BCR: variants seen among roughly 807,000 people sequenced by gnomAD.
The protein encoded by BCR is BCR activator of RhoGEF and GTPase.
In BCR, 58 loss-of-function variants were observed where a neutral mutation model predicts 138.6. That is an observed-to-expected ratio of 0.42 (90% CI 0.34 to 0.52). The LOEUF is 0.52. Among genes scored for constraint, BCR ranks in the 20% least tolerant of loss-of-function variants. The pLI is 0.06. For synonymous variants in BCR, 786 were observed against 730.1 expected (o/e 1.08, Z -1.23); for missense variants, 1,599 against 1,727.2 (o/e 0.93, Z 1.32).
chr22:23,229,947 CGTT>C (rs1452451342), intron 1 of BCR, among the ~76,000 whole-genome samples: 6 of 152,132 alleles, frequency 3.9e-5, no homozygotes, highest in East Asian at 3.9e-4. Context: ...GGAATGGACA[CGTT>C]GTTTGTGCTG....
intron 16 of BCR, among the ~76,000 whole-genome samples, chr22:23,299,728 A>G (rs1043183937): frequency 6.6e-6 from 1 of 150,746 alleles, no homozygotes; most frequent in Non-Finnish European, 1.5e-5. Flanking sequence ...AGTAAAATAT[A>G]TATTGGCACA....
rs571705258 is a variant in BCR, at chr22:23,211,838, G to C, written c.1279+29599G>C. Reference sequence around the variant, plus strand: ...CTTCCAGGCCACATCTCACCCTCCAGGGGTAGGGGCTGGTGGAGCTGTTCT... The same window carrying C: ...CTTCCAGGCCACATCTCACCCTCCACGGGTAGGGGCTGGTGGAGCTGTTCT... On this transcript the variant is annotated intron_variant, in intron 1 of 22. Transcript: ENST00000305877. 2.0e-5 allele frequency among the ~76,000 whole-genome samples: 3 copies of C among 152,226 alleles called. No homozygotes were observed. The South Asian group carries it at 6.2e-4, about 32-fold the overall frequency.
At chr22:23,272,953 CA>C in intron 6 of BCR, 127 bp from the exon 7 acceptor site, 1 of 973,964 alleles carries the variant, frequency 1.0e-6, no homozygotes, top group South Asian at 1.4e-5. Flanking sequence ...TGTCACTGCG[CA>C]GAGGGGAGAT....
intron 16 of BCR, among the ~76,000 whole-genome samples, chr22:23,298,384 T>C (rs1411009515): frequency 6.6e-6 from 1 of 152,098 alleles, no homozygotes; most frequent in Non-Finnish European, 1.5e-5. Flanking sequence ...TGCCCAAGGA[T>C]GGGATCTAGC....
chr22:23,202,749 A>G (rs200129610), intron 1 of BCR, among the ~76,000 whole-genome samples: 61,719 of 133,760 alleles, frequency 0.46, 14,322 homozygotes, highest in East Asian at 0.9. Context: ...GTGTGTGTGT[A>G]TATATATATA....
Position 23,285,123 on chromosome 22 carries a change from C to T in BCR, c.2328C>T (p.Ile776=). The T allele has an allele frequency of 6.2e-7, 1 of 1,614,044 alleles. No individual in the cohort carries two copies. Among genetic ancestry groups the T allele is most frequent in the Non-Finnish European group, 8.5e-7 (1 of 1,179,988 alleles). ...ATGAACTGGAGGCAGTGCCCAACAT[C>T]CCCCTGGTGCCCGATGAGGAGCTGG... ...MVDELEAVPN[I]PLVPDEELDA... is the part of the protein sequence containing the mutation. Residue 776 remains isoleucine (I), a synonymous_variant, in exon 10 of 23, where the codon ATC becomes ATT. Coordinates refer to ENST00000305877, the MANE Select transcript of BCR (RefSeq NM_004327.4).
At chr22:23,263,121 G>A in intron 4 of BCR, 1 of 711,620 alleles carries the variant, frequency 1.4e-6, no homozygotes, top group Non-Finnish European at 2.3e-6. Context: ...CTACATCCCG[G>A]GGACAGGGGC....
At chr22:23,210,172 C>T (rs1040704917) in intron 1 of BCR, among the ~76,000 whole-genome samples, 3 of 152,090 alleles carry the variant, frequency 2.0e-5, no homozygotes, top group East Asian at 3.9e-4. Flanking sequence ...ACCTGTATTA[C>T]CGGGAGGCTG....
intron 4 of BCR, among the ~76,000 whole-genome samples, chr22:23,265,781 C>A (rs1171023494): frequency 1.3e-5 from 2 of 152,228 alleles, no homozygotes; most frequent in African/African-American, 4.8e-5. Context: ...TAGACACATA[C>A]ACACACAAGC....
At chr22:23,211,576 G>C (rs191421959) in intron 1 of BCR, among the ~76,000 whole-genome samples, 46 of 150,992 alleles carry the variant, frequency 3.0e-4, no homozygotes, top group African/African-American at 1.1e-3. Flanking sequence ...GCCTCCGCCT[G>C]CCGGGTTCAA....
At chr22:23,300,127 T>G (rs2073888411) in intron 16 of BCR, among the ~76,000 whole-genome samples, 1 of 152,158 alleles carries the variant, frequency 6.6e-6, no homozygotes, top group Non-Finnish European at 1.5e-5. Flanking sequence ...CTCCAGAACT[T>G]TTTTTTCATC....
intron 1 of BCR, among the ~76,000 whole-genome samples, chr22:23,208,032 T>A (rs1457368939): frequency 6.6e-6 from 1 of 152,202 alleles, no homozygotes; most frequent in Non-Finnish European, 1.5e-5. Flanking sequence ...TTTGGCTCAT[T>A]GGCTCCTGGT....
intron 4 of BCR, chr22:23,261,744 T>C (rs76526990): frequency 2.7e-6 from 1 of 369,164 alleles, no homozygotes. Flanking sequence ...TTTTTTTTTT[T>C]TTCTAATTTA....
At chr22:23,297,207 G>GTTTTGTTTT (rs2073854485) in intron 16 of BCR, among the ~76,000 whole-genome samples, 2 of 97,380 alleles carry the variant, frequency 2.1e-5, no homozygotes, top group African/African-American at 9.8e-5. Flanking sequence ...TGGCTAAGTT[G>GTTTTGTTTT]TTTTTTGTTT....
intron 1 of BCR, among the ~76,000 whole-genome samples, chr22:23,187,837 A>G (rs999861492): frequency 1.2e-4 from 18 of 152,190 alleles, no homozygotes; most frequent in South Asian, 2.1e-4. Flanking sequence ...GTGCCTGTCA[A>G]CTTTCTTCCA....
chr22:23,261,345 C>A lies in BCR; in HGVS notation c.1567-10C>A. The stretch of plus-strand genomic sequence containing the variant: ...CTCACCTGTGCTACCTCACTTGTGC[C>A]CTCTTCCAGCCCATGAAGCCTTTGA... On this transcript the variant is annotated splice_polypyrimidine_tract_variant and intron_variant, in intron 3 of 22. Transcript: ENST00000305877. 1 of 1,609,034 alleles carries A rather than the reference C, an allele frequency of 6.2e-7. No individual in the cohort carries two copies.
rs79435790 is a variant in BCR, at chr22:23,306,542, C to T, written c.3013-2882C>T. Among the ~76,000 whole-genome samples the T allele has an allele frequency of 5.0e-3, 756 of 152,346 alleles. 10 individuals are homozygous for T. The highest frequency in any genetic ancestry group is 7.6e-3 in the Non-Finnish European group (517 of 68,038). ...AAACTAGCCACTTGAGAAGGAAGCT[C>T]AGCTTTTCTGGGCTTTAGAGGAGAT... On this transcript the variant is annotated intron_variant, in intron 16 of 22. Coordinates refer to ENST00000305877, the MANE Select transcript of BCR (RefSeq NM_004327.4).
At position 23,315,762 on chromosome 22, in the gene BCR, C is replaced by A; in HGVS notation, c.*240C>A. 1.7e-6 allele frequency: 1 copy of A among 602,820 alleles called. No individual in the cohort carries two copies. Among genetic ancestry groups the A allele is most frequent in the Non-Finnish European group, 3.1e-6 (1 of 324,316 alleles). 37.3% of individuals were successfully genotyped at this position (602,820 alleles called of 1,614,324 possible). On this transcript the variant is annotated 3_prime_UTR_variant, in exon 23 of 23. Coordinates refer to ENST00000305877, the MANE Select transcript of BCR (RefSeq NM_004327.4). ...TTTTATGTGGCCACCTGAGGGCGCC[C>A]CAAGCCAGTTCATCTCGGAGTCCAG...
intron 1 of BCR, among the ~76,000 whole-genome samples, chr22:23,241,165 A>G (rs976038223): frequency 6.6e-6 from 1 of 152,118 alleles, no homozygotes; most frequent in Admixed American, 6.5e-5. Context: ...TCCTCTCCTA[A>G]CCTGCCCCAG....
Sources: gnomAD v4.1 joint callset for allele counts (sites outside exome capture counted in the v4.1 genomes callset) on GRCh38, gnomAD v4.1.1 for gene constraint, MANE v1.5 for transcripts, NCBI Gene and HGNC (gene_info 2026-07-23, HGNC 2026-07-21) for gene names.